The following PLCL1 variants were observed in gnomAD, a reference collection of about 807,000 sequenced individuals.
PLCL1 encodes the protein phospholipase C like 1 (inactive).
In PLCL1, 41 loss-of-function variants were observed where a neutral mutation model predicts 84.4. The ratio of observed to expected loss-of-function variants is 0.49; its 90% CI spans 0.38 to 0.63. PLCL1 has a LOEUF of 0.63. Ranked by LOEUF, PLCL1 falls within the 30% of genes least tolerant of loss-of-function variation. PLCL1 has a pLI of 0.00. For synonymous variants in PLCL1, 490 were observed against 488.3 expected, an observed-to-expected ratio of 1.00 and a Z score of -0.05; for missense variants, 1,206 against 1,367.8, an observed-to-expected ratio of 0.88 and a Z score of 1.87.
chr2:198,011,699 G>A (rs1690871305), intron 1 of PLCL1, among the ~76,000 whole-genome samples: 2 of 151,984 alleles, frequency 1.3e-5, no homozygotes, highest in Admixed American at 1.3e-4. Flanking sequence ...ACTGAGAGTG[G>A]GGTATTGAAG....
intron 1 of PLCL1, among the ~76,000 whole-genome samples, chr2:198,003,469 G>A (rs1197561246): frequency 6.6e-5 from 10 of 152,136 alleles, no homozygotes; most frequent in African/African-American, 9.7e-5. Flanking sequence ...ATTATGTGCT[G>A]GACTCTTGTA....
At chr2:198,011,600 G>A (rs1011559862) in intron 1 of PLCL1, among the ~76,000 whole-genome samples, 2 of 151,892 alleles carry the variant, frequency 1.3e-5, no homozygotes, top group African/African-American at 2.4e-5. Context: ...GTTGGATGTT[G>A]TATATATATA....
chr2:197,835,962 T>C (rs1008139279), intron 1 of PLCL1, among the ~76,000 whole-genome samples: 4 of 152,196 alleles, frequency 2.6e-5, no homozygotes, highest in African/African-American at 9.6e-5. Flanking sequence ...GGTTGGTCCA[T>C]GGTATGTTAC....
chr2:198,141,700 C>T (rs1694391858), intron 5 of PLCL1, among the ~76,000 whole-genome samples: 1 of 152,144 alleles, frequency 6.6e-6, no homozygotes, highest in Non-Finnish European at 1.5e-5. Context: ...TAAATAACTA[C>T]TCATCCCACT....
At chr2:197,986,464 A>C (rs566025015) in intron 1 of PLCL1, among the ~76,000 whole-genome samples, 1 of 152,264 alleles carries the variant, frequency 6.6e-6, no homozygotes, top group East Asian at 1.9e-4. Context: ...TGGTCCTTCC[A>C]CCTCAGCCTT....
intron 1 of PLCL1, among the ~76,000 whole-genome samples, chr2:198,021,395 A>G (rs2105839893): frequency 6.6e-6 from 1 of 152,306 alleles, no homozygotes; most frequent in Admixed American, 6.5e-5. Context: ...AATAACTAAG[A>G]TCAGAGCAGA....
At chr2:197,833,542 CAGAG>C (rs1691115752) in intron 1 of PLCL1, among the ~76,000 whole-genome samples, 1 of 152,110 alleles carries the variant, frequency 6.6e-6, no homozygotes, top group Non-Finnish European at 1.5e-5. Context: ...AATAGACAAA[CAGAG>C]AGCCAAATCA....
intron 1 of PLCL1, among the ~76,000 whole-genome samples, chr2:198,082,321 G>A (rs190949467): frequency 1.8e-4 from 28 of 152,220 alleles, no homozygotes; most frequent in African/African-American, 6.7e-4. Flanking sequence ...GCACGTTCCT[G>A]TAATCCCAGC....
At chr2:198,031,571 G>A in intron 1 of PLCL1, among the ~76,000 whole-genome samples, 1 of 151,350 alleles carries the variant, frequency 6.6e-6, no homozygotes, top group East Asian at 1.9e-4. Flanking sequence ...GCTCACTGCA[G>A]CCTTGACCTC....
At chr2:197,807,848 A>T (rs1199177745) in intron 1 of PLCL1, among the ~76,000 whole-genome samples, 2 of 152,224 alleles carry the variant, frequency 1.3e-5, no homozygotes, top group Non-Finnish European at 2.9e-5. Flanking sequence ...CAAATATTAA[A>T]TTCTTGTCAG....
intron 1 of PLCL1, among the ~76,000 whole-genome samples, chr2:197,891,520 A>G (rs1162570184): frequency 6.6e-6 from 1 of 151,624 alleles, no homozygotes; most frequent in African/African-American, 2.4e-5. Context: ...GGAATTGGAA[A>G]GGGGATTATT....
chr2:198,028,656 G>A (rs577411087), intron 1 of PLCL1, among the ~76,000 whole-genome samples: 11 of 152,214 alleles, frequency 7.2e-5, no homozygotes, highest in South Asian at 2.1e-4. Context: ...TACACAAACC[G>A]TCTCTACATC....
intron 5 of PLCL1, among the ~76,000 whole-genome samples, chr2:198,123,343 T>C (rs1219101945): frequency 6.6e-6 from 1 of 152,030 alleles, no homozygotes; most frequent in Non-Finnish European, 1.5e-5. Context: ...CCTTCACAAA[T>C]TTCTATGTTG....
chr2:197,810,365 T>A, intron 1 of PLCL1: 2 of 762,380 alleles, frequency 2.6e-6, no homozygotes, highest in Non-Finnish European at 3.9e-6. Flanking sequence ...TTTTGAAGTG[T>A]CTGTTGATTA....
In PLCL1 at chr2:198,148,151, T is replaced by A. The variant is rs1345746819; in HGVS notation, c.*1189T>A. The A allele has an allele frequency of 4.6e-5, 7 of 152,340 alleles. No individual in the cohort carries two copies. The highest frequency in any genetic ancestry group is 1.0e-4 in the Non-Finnish European group (7 of 68,028). 9.4% of individuals were successfully genotyped at this position (152,340 alleles called of 1,614,324 possible). A position where few individuals can be genotyped will look rare whatever the true frequency, so the allele number is the denominator to read the frequency against. ...GTCTTCATAAAGTACTTGAGTGTAATGTTTGTTACCTCCAACAGAACTAAA... is the reference window on the plus strand; with the variant it reads ...GTCTTCATAAAGTACTTGAGTGTAAAGTTTGTTACCTCCAACAGAACTAAA... On this transcript the variant is annotated 3_prime_UTR_variant, in exon 6 of 6. Transcript: ENST00000428675.
chr2:198,095,340 G>A (rs760020545), intron 3 of PLCL1, among the ~76,000 whole-genome samples: 18 of 152,134 alleles, frequency 1.2e-4, no homozygotes, highest in Non-Finnish European at 2.1e-4. Context: ...CAGAGTCATC[G>A]TCTTTTAAGG....
chr2:197,845,723 A>C (rs1232115486), intron 1 of PLCL1, among the ~76,000 whole-genome samples: 1 of 152,130 alleles, frequency 6.6e-6, no homozygotes, highest in Non-Finnish European at 1.5e-5. Flanking sequence ...ATCTCCAGCC[A>C]AGATGATTTT....
At chr2:198,024,718 G>A (rs985795794) in intron 1 of PLCL1, among the ~76,000 whole-genome samples, 3 of 151,070 alleles carry the variant, frequency 2.0e-5, no homozygotes, top group South Asian at 4.2e-4. Context: ...AGCCAAGATC[G>A]TGCTATTGCA....
At chr2:197,831,459 A>G (rs1691058951) in intron 1 of PLCL1, among the ~76,000 whole-genome samples, 1 of 152,224 alleles carries the variant, frequency 6.6e-6, no homozygotes. Flanking sequence ...CAATGCAACA[A>G]GAAGAGCTAA....
Sources: gnomAD v4.1 joint callset for allele counts (sites outside exome capture counted in the v4.1 genomes callset) on GRCh38, gnomAD v4.1.1 for gene constraint, MANE v1.5 for transcripts, NCBI Gene and HGNC (gene_info 2026-07-23, HGNC 2026-07-21) for gene names.